The following ESPL1 variants were observed in gnomAD, a reference collection of about 807,000 sequenced individuals.
The protein encoded by ESPL1 is separin.
In ESPL1, 50 loss-of-function variants were observed where a neutral mutation model predicts 217.2. That is an observed-to-expected ratio of 0.23 (90% CI 0.18 to 0.29). The LOEUF (loss-of-function observed/expected upper bound fraction) is 0.29. Ranked by LOEUF, ESPL1 falls within the 10% of genes least tolerant of loss-of-function variation. The pLI is 1.00. For missense variants in ESPL1, 1,834 were observed against 2,603.0 expected, an observed-to-expected ratio of 0.70 and a Z score of 6.43; for synonymous variants, 994 against 1,081.3, an observed-to-expected ratio of 0.92 and a Z score of 1.58.
chr12:53,285,879 G>A (rs1943939020), intron 17 of ESPL1, 45 bp from the exon 18 acceptor site: 1 of 1,499,188 alleles, frequency 6.7e-7, no homozygotes, highest in African/African-American at 1.4e-5. Context: ...AGTGCTTGAT[G>A]CCATTTCTCC....
intron 25 of ESPL1, among the ~76,000 whole-genome samples, chr12:53,291,234 G>A (rs567027854): frequency 5.1e-4 from 77 of 152,060 alleles, no homozygotes; most frequent in African/African-American, 1.8e-3. Context: ...CCTGGGAGGC[G>A]GAGGTTGCAG....
chr12:53,284,127 G>A lies in ESPL1; in HGVS notation c.3147G>A (p.Ser1049=), dbSNP rs148775541. The A allele has an allele frequency of 2.5e-6, 4 of 1,613,984 alleles. No individual in the cohort carries two copies. Among genetic ancestry groups the A allele is most frequent in the South Asian group, 1.1e-5 (1 of 91,074 alleles). The change falls in exon 17 of 31, where the codon TCG becomes TCA. Residue 1049 remains serine, a synonymous_variant. Coordinates refer to ENST00000257934, the MANE Select transcript of ESPL1 (RefSeq NM_012291.5). ...LARNDIDLCQ[S]DLQQVLFLLE... The stretch of plus-strand genomic sequence containing the variant: ...GCAATGACATTGATCTCTGTCAGTC[G>A]GACCTGCAGCAGGTTCTGTTCTTGC...
chr12:53,269,377 G>A lies in ESPL1; in HGVS notation c.435G>A (p.Arg145=). The A allele has an allele frequency of 1.9e-6, 3 of 1,613,998 alleles. No individual in the cohort carries two copies. The highest frequency in any genetic ancestry group is 3.3e-4 in the Middle Eastern group (2 of 6,062). ...CCCAGGACTATGAGGCCGTGGCTCG[G>A]GGCAGCTTTTCTCTGCTTTGGAAGG... The part of the protein sequence containing the change: ...AAPQDYEAVA[R]GSFSLLWKGA... Residue 145 remains arginine (R), a synonymous_variant, in exon 3 of 31, where the codon CGG becomes CGA. Coordinates refer to ENST00000257934, the MANE Select transcript of ESPL1 (RefSeq NM_012291.5). This position sits in a 1 kb window ranked among gnomAD's most constrained non-coding sequence, Gnocchi z 6.7.
At chr12:53,288,910 T>C in intron 20 of ESPL1, 180 bp from the exon 21 acceptor site, 2 of 707,846 alleles carry the variant, frequency 2.8e-6, no homozygotes, top group African/African-American at 1.8e-5. Context: ...TTAGGGAGCA[T>C]GGTGGAATAA....
chr12:53,288,983 C>A, intron 20 of ESPL1, 107 bp from the exon 21 acceptor site: 1 of 904,636 alleles, frequency 1.1e-6, no homozygotes, highest in Non-Finnish European at 1.8e-6. Context: ...ATGGTAGTTG[C>A]TGTTTGCCAT....
At chr12:53,276,914 C>T in intron 8 of ESPL1, 55 bp downstream of exon 8, 1 of 1,588,972 alleles carries the variant, frequency 6.3e-7, no homozygotes, top group Non-Finnish European at 8.6e-7. Flanking sequence ...GGTCCTCTCA[C>T]CCTCTTGAGA....
In ESPL1 at chr12:53,286,300, G is replaced by T. The variant is rs762967321; in HGVS notation, c.3564G>T (p.Leu1188=). The part of the protein sequence containing the change: ...AQGLDLLQVV[L]KGCPEAAERL... ...GTCTGGATCTGCTGCAGGTCGTGCT[G>T]AAGGGCTGTCCTGAAGCCGCTGAGC... Residue 1188 remains leucine, a synonymous_variant, in exon 18 of 31, where the codon CTG becomes CTT. Transcript: ENST00000257934. The surrounding 1 kb of genome is among the most constrained non-coding windows in gnomAD (Gnocchi z 5.3). 2 of 1,614,196 alleles carry T rather than the reference G, an allele frequency of 1.2e-6. No individual in the cohort carries two copies. The highest frequency in any genetic ancestry group is 1.7e-6 in the Non-Finnish European group (2 of 1,180,034).
Position 53,270,196 on chromosome 12 carries a change from T to C in ESPL1, c.1143+111T>C, listed in dbSNP as rs190425342. 8.5e-4 allele frequency: 903 copies of C among 1,063,764 alleles called. 5 individuals are homozygous for C. In the African/African-American group the frequency reaches 0.012, roughly 15 times the overall value. The allele number at this position is 1,063,764 out of a possible 1,614,324, so 65.9% of individuals were successfully genotyped here. On this transcript the variant is annotated intron_variant, in intron 3 of 30. Coordinates refer to ENST00000257934, the MANE Select transcript of ESPL1 (RefSeq NM_012291.5). ...TGGCTCCCTCCTTGTTAAGCTGCTC[T>C]CTGGACAGTGCCTAGCGAGCCAGCA...
chr12:53,281,700 G>A, intron 13 of ESPL1, 74 bp downstream of exon 13: 1 of 1,436,510 alleles, frequency 7.0e-7, no homozygotes, highest in South Asian at 1.2e-5. Context: ...ATATTTGCCT[G>A]GCTTTTGAGA....
chr12:53,281,285 G>A (rs1450173301), intron 12 of ESPL1, among the ~76,000 whole-genome samples: 4 of 151,720 alleles, frequency 2.6e-5, no homozygotes, highest in Non-Finnish European at 2.9e-5. Flanking sequence ...TTACAGGCGC[G>A]TGCCACCACA....
Position 53,282,457 on chromosome 12 carries a change from C to G in ESPL1, c.2791+22C>G. 6.2e-7 allele frequency: 1 copy of G among 1,608,936 alleles called. No homozygotes were observed. The highest frequency in any genetic ancestry group is 8.5e-7 in the Non-Finnish European group (1 of 1,175,882). ...CAAGGTGAAAGAATAGGGTGGATGG[C>G]CCCCCTTGGATGACATGTATGGTCT... On this transcript the variant is annotated intron_variant, in intron 14 of 30. Transcript: ENST00000257934. The surrounding 1 kb of genome is among the most constrained non-coding windows in gnomAD (Gnocchi z 4.0).
Position 53,276,706 on chromosome 12 carries a change from G to T in ESPL1, c.1787G>T (p.Arg596Leu), listed in dbSNP as rs143192971. Residue 596 changes from arginine to leucine, a missense_variant, in exon 8 of 31, where the codon CGG becomes CTG. Physicochemically the swap from Arg to Leu is moderately radical, Grantham distance 102 (BLOSUM62 -2). Around this residue, in one of 5 missense-constraint regions of ESPL1, gnomAD observed 746 missense variants for 1,077.0 expected, o/e 0.69. Coordinates refer to ENST00000257934, the MANE Select transcript of ESPL1 (RefSeq NM_012291.5). ...GAGCTGCAGGCCTACAAGGCGGTGCGGGCCGACACTGGACAGGAACGCTTC... is the reference window on the plus strand; with the variant it reads ...GAGCTGCAGGCCTACAAGGCGGTGCTGGCCGACACTGGACAGGAACGCTTC... ...REELQAYKAVRADTGQERFNI... is the reference protein window; with the variant it reads ...REELQAYKAVLADTGQERFNI... 6.2e-6 allele frequency: 10 copies of T among 1,613,086 alleles called. No homozygotes were observed. The highest frequency in any genetic ancestry group is 8.5e-6 in the Non-Finnish European group (10 of 1,180,030).
rs778072578 is a variant in ESPL1 at position 53,283,481 on chromosome 12, C to G, written c.3020C>G (p.Ala1007Gly). The change falls in exon 16 of 31, where the codon GCC becomes GGC. Residue 1007 changes from alanine to glycine, a missense_variant. This residue lies in a region of ESPL1 where 107 missense variants were observed against 171.7 expected (regional missense o/e 0.62). Coordinates refer to ENST00000257934, the MANE Select transcript of ESPL1 (RefSeq NM_012291.5). Reference sequence around the variant, plus strand: ...GGCCGCCTGGGTAGTGTGAGTGAAGCCAAGGCCTTTTGCTTGGAGGCCCTA... The same window carrying G: ...GGCCGCCTGGGTAGTGTGAGTGAAGGCAAGGCCTTTTGCTTGGAGGCCCTA... ...HLGRLGSVSE[A>G]KAFCLEALKL... is the part of the protein sequence containing the mutation. 3 of 1,614,132 alleles carry G rather than the reference C, an allele frequency of 1.9e-6. No homozygotes were observed. The highest frequency in any genetic ancestry group is 2.5e-6 in the Non-Finnish European group (3 of 1,180,006).
chr12:53,290,241 T>G (rs1028236973), intron 23 of ESPL1, 29 bp downstream of exon 23: 2 of 1,612,760 alleles, frequency 1.2e-6, no homozygotes, highest in Non-Finnish European at 1.7e-6. Context: ...GGAGCAAAGT[T>G]GGGCTGGATT....
At chr12:53,275,628 G>C (rs1296268249) in intron 7 of ESPL1, among the ~76,000 whole-genome samples, 1 of 152,068 alleles carries the variant, frequency 6.6e-6, no homozygotes, top group East Asian at 1.9e-4. Context: ...TGTGCTACTT[G>C]GGGGGTATAG....
intron 12 of ESPL1, 116 bp downstream of exon 12, chr12:53,279,982 T>G: frequency 8.3e-7 from 1 of 1,207,028 alleles, no homozygotes; most frequent in South Asian, 1.5e-5. Flanking sequence ...CCACCACAAC[T>G]GGCTGGAGAA....
In ESPL1 at chr12:53,292,733, G is replaced by A. The variant is rs1289231535; in HGVS notation, c.5997-73G>A. On this transcript the variant is annotated intron_variant, in intron 29 of 30. Transcript: ENST00000257934. This position sits in a 1 kb window ranked among gnomAD's most constrained non-coding sequence, Gnocchi z 4.5. ...ATCACCATGGGTTGCTTTGGGACTT[G>A]AGAGCCTCTGAAGACACAGGCAGAG... is the stretch of plus-strand genomic sequence containing the variant. 6.2e-7 allele frequency: 1 copy of A among 1,600,968 alleles called. No homozygotes were observed.
At position 53,293,371 on chromosome 12, in the gene ESPL1, C is replaced by T. The variant is rs1179283254; in HGVS notation, c.6260C>T (p.Ala2087Val). 1.9e-6 allele frequency: 3 copies of T among 1,613,776 alleles called. No homozygotes were observed. Among genetic ancestry groups the T allele is most frequent in the Admixed American group, 1.7e-5 (1 of 59,994 alleles). ...GGCTGGCTTGGAGCAGGCCCAGGGGCCCCCCTTCTCTACTATGTAAACCAG... is the reference window on the plus strand; with the variant it reads ...GGCTGGCTTGGAGCAGGCCCAGGGGTCCCCCTTCTCTACTATGTAAACCAG... ...LQGWLGAGPG[A>V]PLLYYVNQAR... Residue 2087 changes from alanine (A) to valine (V), a missense_variant, in exon 31 of 31, where the codon GCC becomes GTC. By Grantham distance (64) the Ala-to-Val change is moderately conservative. Transcript: ENST00000257934. The surrounding 1 kb of genome is among the most constrained non-coding windows in gnomAD (Gnocchi z 4.2).
intron 22 of ESPL1, 71 bp downstream of exon 22, chr12:53,289,665 G>A: frequency 7.5e-7 from 1 of 1,334,078 alleles, no homozygotes; most frequent in Non-Finnish European, 1.0e-6. Flanking sequence ...CTGGGTGAAG[G>A]AGTTTTAGGC....
Sources: allele counts gnomAD v4.1 joint callset (sites outside exome capture counted in the v4.1 genomes callset), GRCh38; gene constraint gnomAD v4.1.1; regional missense constraint gnomAD v4.1.1; non-coding constraint Gnocchi (gnomAD v3.1); transcripts MANE v1.5; gene names NCBI Gene and HGNC (gene_info 2026-07-23, HGNC 2026-07-21).